Variants in GSDME observed in about 807,000 individuals in gnomAD.
The protein encoded by GSDME is gasdermin-E.
GSDME carries 44 observed loss-of-function variants against 47.5 expected under a neutral mutation model. The ratio of observed to expected loss-of-function variants is 0.93; its 90% CI spans 0.73 to 1.19. The LOEUF (loss-of-function observed/expected upper bound fraction) is 1.19. Among genes scored for constraint, GSDME ranks in the 50% most tolerant of loss-of-function variants. The pLI, the probability that GSDME is intolerant of heterozygous loss-of-function variation, is 0.00. For synonymous variants in GSDME, 258 were observed against 252.8 expected, an observed-to-expected ratio of 1.02 and a Z score of -0.20; for missense variants, 663 against 604.2, an observed-to-expected ratio of 1.10 and a Z score of -1.02.
chr7:24,748,325 A>C (rs1790746002), intron 2 of GSDME, among the ~76,000 whole-genome samples: 1 of 151,632 alleles, frequency 6.6e-6, no homozygotes, highest in East Asian at 1.9e-4. Flanking sequence ...TTGCCCGGCT[A>C]ATTTTTATAT....
chr7:24,725,523 A>G lies in GSDME; in HGVS notation c.405-6305T>C, dbSNP rs1205198098. 6.6e-6 allele frequency among the ~76,000 whole-genome samples: 1 copy of G among 152,112 alleles called. No homozygotes were observed. Among genetic ancestry groups the G allele is most frequent in the Non-Finnish European group, 1.5e-5 (1 of 68,010 alleles). On this transcript the variant is annotated intron_variant, in intron 3 of 9. Coordinates refer to ENST00000645220, the MANE Select transcript of GSDME (RefSeq NM_001127453.2). This position sits in a 1 kb window ranked among gnomAD's most constrained non-coding sequence, Gnocchi z 5.1. ...GGCAAGACTCCTGTCTCAAGAGCCA[A>G]GCTCTTGAGTGAGCAATTCCTGTCC...
chr7:24,742,789 G>A lies in GSDME; in HGVS notation c.404+1773C>T, dbSNP rs568195608. ...CCCTTCCCCAGTGCCACCAGATTTA[G>A]CAAATGAAAATGTAAGACACCCAGT... On this transcript the variant is annotated intron_variant, in intron 3 of 9. Coordinates refer to ENST00000645220, the MANE Select transcript of GSDME (RefSeq NM_001127453.2). The surrounding 1 kb of genome is among the most constrained non-coding windows in gnomAD (Gnocchi z 4.4). Among the ~76,000 whole-genome samples, 27 of 152,186 alleles carry A rather than the reference G, an allele frequency of 1.8e-4. No homozygotes were observed. Among genetic ancestry groups the A allele is most frequent in the Admixed American group, 3.9e-4 (6 of 15,284 alleles).
chr7:24,706,158 T>C lies in GSDME; in HGVS notation c.1183+26A>G, dbSNP rs376931011. 3 of 1,613,400 alleles carry C rather than the reference T, an allele frequency of 1.9e-6. No homozygotes were observed. The African/African-American group carries it at 4.0e-5, about 22-fold the overall frequency. On this transcript the variant is annotated intron_variant, in intron 8 of 9. Transcript: ENST00000645220. ...AAGCATTTTAAAGCAGCAGCAGCCATTTCTTTCATTTTCTTTTCTCCTTAC... is the reference window on the plus strand; with the variant it reads ...AAGCATTTTAAAGCAGCAGCAGCCACTTCTTTCATTTTCTTTTCTCCTTAC...
At chr7:24,719,771 C>A (rs372660735) in intron 3 of GSDME, among the ~76,000 whole-genome samples, 4 of 150,942 alleles carry the variant, frequency 2.7e-5, no homozygotes, top group Admixed American at 1.3e-4. Context: ...CCAGCCAGGG[C>A]AACAGAGCAA....
chr7:24,757,855 A>C (rs1024174116), upstream of GSDME: 1 of 152,206 alleles, frequency 6.6e-6, no homozygotes, highest in Non-Finnish European at 1.5e-5. The surrounding 1 kb of genome is among the most constrained non-coding windows in gnomAD (Gnocchi z 5.9). Context: ...GTGGACTGAC[A>C]CCGCGGCCTC....
intron 3 of GSDME, among the ~76,000 whole-genome samples, chr7:24,731,885 CCT>C (rs1790157229): frequency 2.0e-5 from 3 of 152,150 alleles, no homozygotes; most frequent in African/African-American, 7.2e-5. Flanking sequence ...TTAAACCCTC[CCT>C]CTGTTTCCAC....
chr7:24,714,542 G>C lies in GSDME; in HGVS notation c.697+2712C>G, dbSNP rs188171515. 6.1e-4 allele frequency among the ~76,000 whole-genome samples: 93 copies of C among 152,290 alleles called. No homozygotes were observed. Among genetic ancestry groups the C allele is most frequent in the Admixed American group, 5.2e-3 (79 of 15,310 alleles). The stretch of plus-strand genomic sequence containing the variant: ...GAAGGAGCCACGGAGCTGCCTCCTA[G>C]GCCAGGATCCAGAACGAGCCAAGGG... On this transcript the variant is annotated intron_variant, in intron 5 of 9. Coordinates refer to ENST00000645220, the MANE Select transcript of GSDME (RefSeq NM_001127453.2). The surrounding 1 kb of genome is among the most constrained non-coding windows in gnomAD (Gnocchi z 5.0).
the GSDME span, among the ~76,000 whole-genome samples, chr7:24,769,963 C>A: frequency 1.3e-5 from 2 of 152,206 alleles, no homozygotes; most frequent in East Asian, 3.8e-4. Context: ...TGGCACAGAG[C>A]TCCTAAAACC....
rs1789953144 is a variant in GSDME, at chr7:24,725,987, CGA to C, written c.405-6771_405-6770del. The stretch of plus-strand genomic sequence containing the variant: ...AAGACAGCAGCTACATGATACAGGA[CGA>C]GAGATGGCTGGAAAAGGAGACCAGG... On this transcript the variant is annotated intron_variant, in intron 3 of 9. Coordinates refer to ENST00000645220, the MANE Select transcript of GSDME (RefSeq NM_001127453.2). The surrounding 1 kb of genome is among the most constrained non-coding windows in gnomAD (Gnocchi z 5.1). 6.6e-6 allele frequency among the ~76,000 whole-genome samples: 1 copy of C among 152,060 alleles called. No homozygotes were observed. Among genetic ancestry groups the C allele is most frequent in the African/African-American group, 2.4e-5 (1 of 41,470 alleles).
At chr7:24,699,488 C>T (rs1392055892) in intron 9 of GSDME, among the ~76,000 whole-genome samples, 3 of 151,986 alleles carry the variant, frequency 2.0e-5, no homozygotes, top group African/African-American at 7.3e-5. Flanking sequence ...TACAGGTGTG[C>T]GCCACCATGC....
At chr7:24,752,375 G>T (rs1360265690) in intron 1 of GSDME, among the ~76,000 whole-genome samples, 2 of 152,190 alleles carry the variant, frequency 1.3e-5, no homozygotes, top group Non-Finnish European at 2.9e-5. Context: ...GGAAGCAGGT[G>T]CCACTGGAGG....
intron 3 of GSDME, among the ~76,000 whole-genome samples, chr7:24,723,014 C>G (rs1029744793): frequency 1.3e-5 from 2 of 152,230 alleles, no homozygotes; most frequent in African/African-American, 4.8e-5. Context: ...ATGCAGGCCA[C>G]TGGGAATCCT....
chr7:24,704,708 T>C (rs1789022248), intron 8 of GSDME: 1 of 151,720 alleles, frequency 6.6e-6, no homozygotes, highest in Non-Finnish European at 1.5e-5. Context: ...GCTGCCTGCG[T>C]GCAAGCTTGC....
intron 6 of GSDME, among the ~76,000 whole-genome samples, 191 bp downstream of exon 6, chr7:24,710,033 C>A (rs762591724): frequency 6.6e-5 from 10 of 152,158 alleles, no homozygotes; most frequent in African/African-American, 2.4e-4. Context: ...GCACCCACAA[C>A]CTGGGGCTCC....
intron 3 of GSDME, among the ~76,000 whole-genome samples, chr7:24,731,501 G>A (rs564121616): frequency 3.3e-5 from 5 of 152,330 alleles, no homozygotes; most frequent in African/African-American, 1.2e-4. Context: ...GCTGCACGTG[G>A]AAACGCCAAG....
intron 3 of GSDME, among the ~76,000 whole-genome samples, chr7:24,741,761 A>T (rs1284670645): frequency 6.6e-6 from 1 of 152,154 alleles, no homozygotes; most frequent in Non-Finnish European, 1.5e-5. Flanking sequence ...AATCCCAATG[A>T]TGTTATGGGG....
intron 9 of GSDME, among the ~76,000 whole-genome samples, chr7:24,701,185 C>T (rs1788854421): frequency 6.6e-6 from 1 of 152,196 alleles, no homozygotes; most frequent in Admixed American, 6.5e-5. Flanking sequence ...CAAATTCCTT[C>T]AGGAGGCAGA....
chr7:24,745,150 G>A lies in GSDME; in HGVS notation c.212-396C>T, dbSNP rs1790627968. On this transcript the variant is annotated intron_variant, in intron 2 of 9. Transcript: ENST00000645220. The surrounding 1 kb of genome is among the most constrained non-coding windows in gnomAD (Gnocchi z 4.4). ...TGCACAGAAAGGACTAATGAATAAA[G>A]TTAGCGCCTGTTTAACCACTATCCA... is the stretch of plus-strand genomic sequence containing the variant. Among the ~76,000 whole-genome samples the A allele has an allele frequency of 2.0e-5, 3 of 152,128 alleles. No homozygotes were observed. The highest frequency in any genetic ancestry group is 1.9e-4 in the East Asian group (1 of 5,190).
chr7:24,768,838 T>C, the GSDME span, among the ~76,000 whole-genome samples: 239 of 152,380 alleles, frequency 1.6e-3, no homozygotes, highest in African/African-American at 5.3e-3. The surrounding 1 kb of genome is among the most constrained non-coding windows in gnomAD (Gnocchi z 5.6). Flanking sequence ...TATTGTGTTA[T>C]TCTATCATAC....
Sources: gnomAD v4.1 joint callset for allele counts (sites outside exome capture counted in the v4.1 genomes callset) on GRCh38, gnomAD v4.1.1 for gene constraint, Gnocchi (gnomAD v3.1) non-coding constraint, MANE v1.5 for transcripts, NCBI Gene and HGNC (gene_info 2026-07-23, HGNC 2026-07-21) for gene names.